The following PRELID2 variants were observed in gnomAD, a reference collection of about 807,000 sequenced individuals.
The protein encoded by PRELID2 is PRELI domain-containing protein 2.
A neutral mutation model predicts 28.4 loss-of-function variants in PRELID2; 25 were observed. The observed-to-expected ratio is 0.88, with a 90% CI of 0.64 to 1.23. The LOEUF is 1.23. PRELID2 is among the 50% of genes most tolerant of loss of function. PRELID2 has a pLI of 0.00. For missense variants in PRELID2, 201 were observed against 214.4 expected (o/e 0.94, Z 0.39); for synonymous variants, 76 against 71.6 (o/e 1.06, Z -0.31).
chr5:145,308,560 GATCT>G, the PRELID2 span, among the ~76,000 whole-genome samples: 14 of 151,602 alleles, frequency 9.2e-5, no homozygotes, highest in South Asian at 6.2e-4. Flanking sequence ...CCACCATATA[GATCT>G]ATCTATCTAT....
chr5:145,562,066 T>C (rs1752929643), intron 1 of PRELID2, among the ~76,000 whole-genome samples: 1 of 152,238 alleles, frequency 6.6e-6, no homozygotes, highest in Non-Finnish European at 1.5e-5. Context: ...GCAAATTTTA[T>C]AGTTTGTGGA....
chr5:145,608,819 T>C (rs1753565819), intron 1 of PRELID2, among the ~76,000 whole-genome samples: 1 of 152,244 alleles, frequency 6.6e-6, no homozygotes, highest in Non-Finnish European at 1.5e-5. Context: ...TCAAGGATGA[T>C]ATCCTGAAAT....
chr5:145,377,863 T>G, the PRELID2 span, among the ~76,000 whole-genome samples: 1 of 152,172 alleles, frequency 6.6e-6, no homozygotes, highest in Non-Finnish European at 1.5e-5. Context: ...TCAAGGCTAG[T>G]ATTGATATGT....
chr5:145,534,414 T>A (rs1463013711), intron 1 of PRELID2, among the ~76,000 whole-genome samples: 1 of 152,042 alleles, frequency 6.6e-6, no homozygotes. Flanking sequence ...TACCTTTTAA[T>A]AGGTATTGCA....
the PRELID2 span, among the ~76,000 whole-genome samples, chr5:145,444,334 C>T: frequency 6.6e-6 from 1 of 151,994 alleles, no homozygotes; most frequent in Non-Finnish European, 1.5e-5. Context: ...GCACTGGATT[C>T]CGAACATTCA....
At chr5:145,294,605 A>T in the PRELID2 span, among the ~76,000 whole-genome samples, 1 of 125,068 alleles carries the variant, frequency 8.0e-6, no homozygotes, top group East Asian at 1.9e-4. Flanking sequence ...TTTATTGGAC[A>T]CCCGCTAAAG....
chr5:145,617,389 T>A (rs1753713692), intron 1 of PRELID2, among the ~76,000 whole-genome samples: 1 of 152,216 alleles, frequency 6.6e-6, no homozygotes, highest in African/African-American at 2.4e-5. Context: ...TAAGAAATTA[T>A]AAAAGTATTA....
intron 1 of PRELID2, among the ~76,000 whole-genome samples, chr5:145,538,287 C>G (rs1405812869): frequency 3.3e-5 from 5 of 151,794 alleles, no homozygotes; most frequent in African/African-American, 4.8e-5. Context: ...TGTAATGCCT[C>G]CAGATTTGTT....
At chr5:145,535,157 T>G (rs144913487) in intron 1 of PRELID2, among the ~76,000 whole-genome samples, 200 of 152,086 alleles carry the variant, frequency 1.3e-3, no homozygotes, top group African/African-American at 4.7e-3. Flanking sequence ...ATTGATTAAA[T>G]CATACTTAAA....
At chr5:145,387,532 A>G in the PRELID2 span, among the ~76,000 whole-genome samples, 1 of 152,204 alleles carries the variant, frequency 6.6e-6, no homozygotes, top group Non-Finnish European at 1.5e-5. Context: ...TATACTTACC[A>G]TCAATTAACC....
At chr5:145,240,237 G>T in the PRELID2 span, among the ~76,000 whole-genome samples, 1 of 150,170 alleles carries the variant, frequency 6.7e-6, no homozygotes, top group Non-Finnish European at 1.5e-5. Flanking sequence ...CTGCTTTATT[G>T]CTTTCTTTTT....
intron 1 of PRELID2, among the ~76,000 whole-genome samples, chr5:145,490,481 C>A (rs1271587246): frequency 6.6e-6 from 1 of 151,858 alleles, no homozygotes; most frequent in Admixed American, 6.6e-5. Flanking sequence ...TGGAAAAGAG[C>A]ACAAAAGGAA....
intron 1 of PRELID2, among the ~76,000 whole-genome samples, chr5:145,586,304 T>G (rs892048569): frequency 3.3e-5 from 5 of 151,990 alleles, no homozygotes; most frequent in African/African-American, 7.3e-5. Flanking sequence ...CTCCCATCAG[T>G]GCAGTTCACA....
chr5:145,680,366 G>A (rs1188221948), intron 1 of PRELID2, among the ~76,000 whole-genome samples: 1 of 152,142 alleles, frequency 6.6e-6, no homozygotes, highest in Non-Finnish European at 1.5e-5. Context: ...GCCCCCTAGG[G>A]GCTGGGGAAA....
At chr5:145,418,117 T>C in the PRELID2 span, among the ~76,000 whole-genome samples, 1 of 151,796 alleles carries the variant, frequency 6.6e-6, no homozygotes, top group Non-Finnish European at 1.5e-5. Flanking sequence ...AAGAGCCAAA[T>C]CATGAATGAA....
chr5:145,714,699 A>G (rs1755795445), intron 1 of PRELID2, among the ~76,000 whole-genome samples: 1 of 152,174 alleles, frequency 6.6e-6, no homozygotes, highest in Admixed American at 6.5e-5. Context: ...TAAGTTCACA[A>G]GTCTCCTTGT....
At position 145,578,853 on chromosome 5, in the gene PRELID2, A is replaced by G. The variant is rs1441960116; in HGVS notation, n.71-105538T>C. 2.0e-5 allele frequency among the ~76,000 whole-genome samples: 3 copies of G among 152,086 alleles called. No individual in the cohort carries two copies. The East Asian group carries it at 5.8e-4, about 29-fold the overall frequency. On this transcript the variant is annotated intron_variant and non_coding_transcript_variant, in intron 1 of 2. Transcript: ENST00000510259. ...ATTAAGTAGATTTTATAATTAACCCAATTTTATAAATGAGTAAACAGAGTT... is the reference window on the plus strand; with the variant it reads ...ATTAAGTAGATTTTATAATTAACCCGATTTTATAAATGAGTAAACAGAGTT...
the PRELID2 span, among the ~76,000 whole-genome samples, chr5:145,432,489 T>C: frequency 1.3e-5 from 2 of 151,152 alleles, no homozygotes; most frequent in Non-Finnish European, 2.9e-5. Flanking sequence ...CCAAGTAACT[T>C]ACATTTCAGT....
chr5:145,388,350 G>A, the PRELID2 span, among the ~76,000 whole-genome samples: 1 of 152,134 alleles, frequency 6.6e-6, no homozygotes, highest in African/African-American at 2.4e-5. Context: ...GGACTAGGTA[G>A]CAAGTGAAAA....
Sources: gnomAD v4.1 joint callset for allele counts (sites outside exome capture counted in the v4.1 genomes callset) on GRCh38, gnomAD v4.1.1 for gene constraint, MANE v1.5 for transcripts, NCBI Gene and HGNC (gene_info 2026-07-23, HGNC 2026-07-21) for gene names.